FSTL4: variants seen among roughly 807,000 people sequenced by gnomAD.
The protein encoded by FSTL4 is follistatin like 4.
A neutral mutation model predicts 78.2 loss-of-function variants in FSTL4; 28 were observed. The ratio of observed to expected loss-of-function variants is 0.36; its 90% CI spans 0.27 to 0.49. The LOEUF is 0.49. FSTL4 is among the 20% of genes least tolerant of loss of function. FSTL4 has a pLI of 0.98. For missense variants in FSTL4, 922 were observed against 1,084.9 expected, an observed-to-expected ratio of 0.85 and a Z score of 2.11; for synonymous variants, 422 against 440.5, an observed-to-expected ratio of 0.96 and a Z score of 0.53.
intron 10 of FSTL4, 191 bp from the exon 11 acceptor site, chr5:133,224,407 C>G: frequency 2.1e-6 from 1 of 486,560 alleles, no homozygotes; most frequent in Non-Finnish European, 3.7e-6. Context: ...TGAACAAATG[C>G]TTTCAGGTCT....
Position 133,437,485 on chromosome 5 carries a change from G to GTTTT in FSTL4, c.161-36503_161-36500dup, listed in dbSNP as rs11401684. Reference sequence around the variant, plus strand: ...TGTATATAGTATATAGTAAATAGGTGTTTTTTTTTTTTTTTTTTTTTTGAG... The same window carrying GTTTT: ...TGTATATAGTATATAGTAAATAGGTGTTTTTTTTTTTTTTTTTTTTTTTTTTGAG... On this transcript the variant is annotated intron_variant, in intron 3 of 15. Coordinates refer to ENST00000265342, the MANE Select transcript of FSTL4 (RefSeq NM_015082.2). 8.9e-3 allele frequency among the ~76,000 whole-genome samples: 846 copies of GTTTT among 95,286 alleles called. 17 individuals carry two copies. Among genetic ancestry groups the GTTTT allele is most frequent in the Non-Finnish European group, 0.012 (579 of 50,014 alleles). The allele number at this position is 95,286 out of a possible 152,430, so 62.5% of individuals were successfully genotyped here.
At chr5:133,602,297 T>G (rs1760886943) in intron 2 of FSTL4, among the ~76,000 whole-genome samples, 1 of 152,032 alleles carries the variant, frequency 6.6e-6, no homozygotes, top group Non-Finnish European at 1.5e-5. Context: ...AAGCGTTACT[T>G]CCTCCCAATG....
chr5:133,428,974 C>T (rs1580702876), intron 3 of FSTL4, among the ~76,000 whole-genome samples: 1 of 152,338 alleles, frequency 6.6e-6, no homozygotes, highest in Middle Eastern at 3.4e-3. Flanking sequence ...TGACTGCCTT[C>T]TTATTCACAT....
the FSTL4 span, among the ~76,000 whole-genome samples, chr5:133,707,767 T>C: frequency 6.6e-6 from 1 of 151,980 alleles, no homozygotes; most frequent in African/African-American, 2.4e-5. Flanking sequence ...GCCACCAGGC[T>C]AGAGCAGCTC....
At chr5:133,832,379 C>A in the FSTL4 span, among the ~76,000 whole-genome samples, 1 of 152,072 alleles carries the variant, frequency 6.6e-6, no homozygotes, top group African/African-American at 2.4e-5. Flanking sequence ...TTATAAATTT[C>A]TCTAGCTGTT....
chr5:133,809,595 T>C, the FSTL4 span, among the ~76,000 whole-genome samples: 2 of 144,256 alleles, frequency 1.4e-5, no homozygotes, highest in African/African-American at 2.6e-5. Flanking sequence ...CAAGTCAGGA[T>C]AGCACCAAAA....
chr5:133,567,731 T>A (rs1760058319), intron 2 of FSTL4, among the ~76,000 whole-genome samples: 1 of 152,236 alleles, frequency 6.6e-6, no homozygotes, highest in South Asian at 2.1e-4. Context: ...AAGGGTGAGA[T>A]CCTATGAACA....
chr5:133,721,788 T>C, the FSTL4 span, among the ~76,000 whole-genome samples: 48 of 152,316 alleles, frequency 3.2e-4, 1 homozygote, highest in African/African-American at 1.2e-3. Flanking sequence ...TCTGGGAACC[T>C]TTGAGCATCA....
the FSTL4 span, among the ~76,000 whole-genome samples, chr5:133,804,934 C>T: frequency 9.6e-6 from 1 of 103,972 alleles, no homozygotes; most frequent in African/African-American, 3.7e-5. Context: ...CAGAGTGAGA[C>T]TCCGTCTCAA....
chr5:133,755,039 C>T, the FSTL4 span, among the ~76,000 whole-genome samples: 1 of 152,152 alleles, frequency 6.6e-6, no homozygotes, highest in Non-Finnish European at 1.5e-5. Flanking sequence ...GGCCTCCATC[C>T]CCCTGCAAGC....
At position 133,475,134 on chromosome 5, in the gene FSTL4, G is replaced by A. The variant is rs534137198; in HGVS notation, c.161-74148C>T. 3.3e-4 allele frequency among the ~76,000 whole-genome samples: 50 copies of A among 152,326 alleles called. No homozygotes were observed. The South Asian group carries it at 6.4e-3, about 20-fold the overall frequency. The stretch of plus-strand genomic sequence containing the variant: ...AGTATGGGAAGCAGGGGAGCTGGAC[G>A]TCCGTCACATGTCTCAGTTAGGAAC... On this transcript the variant is annotated intron_variant, in intron 3 of 15. Transcript: ENST00000265342.
intron 6 of FSTL4, among the ~76,000 whole-genome samples, chr5:133,278,038 A>G (rs1752926844): frequency 1.3e-5 from 2 of 152,272 alleles, no homozygotes; most frequent in African/African-American, 4.8e-5. Context: ...AGCCTAATTC[A>G]CAGGTGGGAA....
At chr5:133,632,341 C>G in the FSTL4 span, among the ~76,000 whole-genome samples, 3 of 152,204 alleles carry the variant, frequency 2.0e-5, no homozygotes, top group East Asian at 5.8e-4. Context: ...CTTCAAATAT[C>G]AAACATAATT....
chr5:133,680,036 T>C, the FSTL4 span, among the ~76,000 whole-genome samples: 2 of 152,172 alleles, frequency 1.3e-5, no homozygotes, highest in Non-Finnish European at 2.9e-5. Flanking sequence ...GTCAGAGCGA[T>C]GGGCAGGTGT....
chr5:133,213,201 C>A (rs990429314), intron 13 of FSTL4, among the ~76,000 whole-genome samples: 3 of 152,148 alleles, frequency 2.0e-5, no homozygotes, highest in African/African-American at 4.8e-5. Flanking sequence ...CAGGGCTTCA[C>A]CATGTTGGTC....
chr5:133,203,695 A>C (rs1275810411), intron 14 of FSTL4, among the ~76,000 whole-genome samples: 2 of 152,230 alleles, frequency 1.3e-5, no homozygotes, highest in East Asian at 3.8e-4. Context: ...TCTGAAAAGA[A>C]AATGCCAGGG....
At chr5:133,671,950 C>T in the FSTL4 span, among the ~76,000 whole-genome samples, 1 of 152,174 alleles carries the variant, frequency 6.6e-6, no homozygotes, top group East Asian at 1.9e-4. Flanking sequence ...AAGAATGTTA[C>T]CACAGGTCTT....
intron 6 of FSTL4, among the ~76,000 whole-genome samples, chr5:133,254,462 G>T (rs1453102008): frequency 1.3e-5 from 2 of 152,204 alleles, no homozygotes; most frequent in African/African-American, 2.4e-5. Context: ...TGGGCCGTGT[G>T]GCCACCTCCA....
In FSTL4 at chr5:133,399,558, C is replaced by T. The variant is rs1756164363; in HGVS notation, c.409+1180G>A. ...GGCCAACACACCTTTGCTCCACCACCTCAGCCATGAATCCGCCTCCGCTCA... is the reference window on the plus strand; with the variant it reads ...GGCCAACACACCTTTGCTCCACCACTTCAGCCATGAATCCGCCTCCGCTCA... On this transcript the variant is annotated intron_variant, in intron 4 of 15. Coordinates refer to ENST00000265342, the MANE Select transcript of FSTL4 (RefSeq NM_015082.2). Among the ~76,000 whole-genome samples the T allele has an allele frequency of 2.6e-5, 4 of 152,342 alleles. No homozygotes were observed. The South Asian group carries it at 8.3e-4, about 32-fold the overall frequency.
Sources: allele counts gnomAD v4.1 joint callset (sites outside exome capture counted in the v4.1 genomes callset), GRCh38; gene constraint gnomAD v4.1.1; transcripts MANE v1.5; gene names NCBI Gene and HGNC (gene_info 2026-07-23, HGNC 2026-07-21).